Variants in CNTN5 observed in about 807,000 individuals in gnomAD.
CNTN5 encodes the protein contactin-5.
A neutral mutation model predicts 129.1 loss-of-function variants in CNTN5; 77 were observed. The ratio of observed to expected loss-of-function variants is 0.60; its 90% confidence interval spans 0.50 to 0.72. The LOEUF is 0.72. CNTN5 is among the 30% of genes least tolerant of loss of function. The pLI is 0.00. For synonymous variants in CNTN5, 509 were observed against 465.6 expected, an observed-to-expected ratio of 1.09 and a Z score of -1.20; for missense variants, 1,478 against 1,328.8, an observed-to-expected ratio of 1.11 and a Z score of -1.75.
chr11:100,286,592 A>T (rs1210503699), intron 18 of CNTN5, among the ~76,000 whole-genome samples: 4 of 143,274 alleles, frequency 2.8e-5, no homozygotes, highest in African/African-American at 1.1e-4. Context: ...CATCCACACC[A>T]AAAACCCATC....
chr11:100,293,583 G>A (rs912703646), intron 18 of CNTN5, among the ~76,000 whole-genome samples: 5 of 151,344 alleles, frequency 3.3e-5, no homozygotes, highest in African/African-American at 1.2e-4. Context: ...TTATAATTCC[G>A]GGTACTGTGA....
At chr11:99,514,647 T>C (rs541328187) in intron 2 of CNTN5, among the ~76,000 whole-genome samples, 5 of 152,218 alleles carry the variant, frequency 3.3e-5, no homozygotes, top group African/African-American at 1.2e-4. Context: ...GGTTAGCATA[T>C]TGTTTTGGCA....
At chr11:99,900,411 A>G (rs1052817519) in intron 6 of CNTN5, among the ~76,000 whole-genome samples, 16 of 151,924 alleles carry the variant, frequency 1.1e-4, no homozygotes, top group Non-Finnish European at 2.4e-4. Flanking sequence ...TTTTTGATGT[A>G]TTTCTGGATT....
At chr11:99,888,849 C>T (rs908851104) in intron 6 of CNTN5, among the ~76,000 whole-genome samples, 20 of 152,318 alleles carry the variant, frequency 1.3e-4, no homozygotes, top group African/African-American at 4.8e-4. Context: ...TGACACATTA[C>T]TGCGTGACGC....
chr11:100,141,460 CCT>C (rs1329089099), intron 13 of CNTN5, among the ~76,000 whole-genome samples: 1 of 152,080 alleles, frequency 6.6e-6, no homozygotes, highest in Admixed American at 6.6e-5. Flanking sequence ...GTTCTTTTGA[CCT>C]CTCTTAATAG....
intron 8 of CNTN5, among the ~76,000 whole-genome samples, chr11:99,991,060 C>G (rs1939056610): frequency 6.6e-6 from 1 of 152,200 alleles, no homozygotes; most frequent in Non-Finnish European, 1.5e-5. Context: ...AGCACAATAT[C>G]TTTTGCCCTG....
At chr11:99,855,707 A>T (rs970545349) in intron 6 of CNTN5, among the ~76,000 whole-genome samples, 1 of 152,170 alleles carries the variant, frequency 6.6e-6, no homozygotes, top group Non-Finnish European at 1.5e-5. Context: ...TTCCAGGGAA[A>T]TATTCTGCCA....
At position 99,087,066 on chromosome 11, in the gene CNTN5, T is replaced by C. The variant is rs543760056; in HGVS notation, c.-210+65796T>C. Among the ~76,000 whole-genome samples the C allele has an allele frequency of 5.3e-5, 8 of 152,324 alleles. 1 individual carries two copies. The highest frequency in any genetic ancestry group is 4.6e-4 in the Admixed American group (7 of 15,296). ...GTCCACTGAATCTGGCTGTGGGTTT[T>C]TTGTTCTTTCCTTACTGTACTAGGG... On this transcript the variant is annotated intron_variant, in intron 1 of 24. Transcript: ENST00000524871.
chr11:99,853,212 A>G (rs959446738), intron 6 of CNTN5, among the ~76,000 whole-genome samples: 1 of 152,122 alleles, frequency 6.6e-6, no homozygotes, highest in African/African-American at 2.4e-5. Context: ...CAAAGAAACA[A>G]CAATTATTAT....
At position 99,646,958 on chromosome 11, in the gene CNTN5, T is replaced by C. The variant is rs191734172; in HGVS notation, c.55+90689T>C. Among the ~76,000 whole-genome samples, 5 of 152,250 alleles carry C rather than the reference T, an allele frequency of 3.3e-5. No homozygotes were observed. In the East Asian group the frequency reaches 9.7e-4, roughly 29 times the overall value. On this transcript the variant is annotated intron_variant, in intron 3 of 24. Transcript: ENST00000524871. Reference sequence around the variant, plus strand: ...TTAATTCCCTGTCAGATGAATAGTTTGCCCATATTTTTTCCCATTCTGTAG... The same window carrying C: ...TTAATTCCCTGTCAGATGAATAGTTCGCCCATATTTTTTCCCATTCTGTAG...
chr11:100,067,283 A>T (rs1943734164), intron 10 of CNTN5, among the ~76,000 whole-genome samples: 1 of 152,046 alleles, frequency 6.6e-6, no homozygotes, highest in African/African-American at 2.4e-5. Flanking sequence ...TCTACAACCC[A>T]AATTCCACTT....
intron 6 of CNTN5, among the ~76,000 whole-genome samples, chr11:99,887,249 A>G (rs998417426): frequency 2.0e-5 from 3 of 152,196 alleles, no homozygotes; most frequent in Admixed American, 6.5e-5. Context: ...GTTTTGACCA[A>G]TGATGTGGTC....
Position 100,350,777 on chromosome 11 carries a change from C to A in CNTN5, c.3106C>A (p.Pro1036Thr). Residue 1036 changes from proline (P) to threonine (T), a missense_variant, in exon 24 of 25, where the codon CCA (proline) becomes ACA (threonine). Coordinates refer to ENST00000524871, the MANE Select transcript of CNTN5 (RefSeq NM_014361.4). ...TQKLQAVVPL[P>T]DAGVYIIEVR... ...GAAACTTCAAGCAGTAGTACCACTC[C>A]CAGATGCTGGAGTCTATATTATTGA... 6.2e-7 allele frequency: 1 copy of A among 1,608,916 alleles called. No homozygotes were observed. Among genetic ancestry groups the A allele is most frequent in the East Asian group, 2.2e-5 (1 of 44,772 alleles).
At chr11:99,036,036 G>A (rs1009247123) in intron 1 of CNTN5, among the ~76,000 whole-genome samples, 26 of 152,070 alleles carry the variant, frequency 1.7e-4, no homozygotes, top group Non-Finnish European at 2.6e-4. Context: ...ATGAAGCTTA[G>A]TTTGGCTGGA....
intron 1 of CNTN5, among the ~76,000 whole-genome samples, chr11:99,252,705 G>T (rs1000888084): frequency 2.0e-5 from 3 of 151,912 alleles, no homozygotes; most frequent in Non-Finnish European, 1.5e-5. Flanking sequence ...CAATTAAATT[G>T]TCCTTTCTCA....
At chr11:99,975,611 GTA>G (rs1937898993) in intron 8 of CNTN5, among the ~76,000 whole-genome samples, 1 of 152,122 alleles carries the variant, frequency 6.6e-6, no homozygotes. Flanking sequence ...TGAAGGAAAA[GTA>G]AGGCATATCT....
chr11:99,292,550 A>G (rs1864214919), intron 1 of CNTN5, among the ~76,000 whole-genome samples: 1 of 152,062 alleles, frequency 6.6e-6, no homozygotes, highest in South Asian at 2.1e-4. Context: ...CTTGTTCCAA[A>G]TCTTAGAGGA....
At chr11:99,821,759 G>A (rs1291556444) in intron 4 of CNTN5, among the ~76,000 whole-genome samples, 1 of 152,082 alleles carries the variant, frequency 6.6e-6, no homozygotes, top group Non-Finnish European at 1.5e-5. Flanking sequence ...TTGAGGTAGG[G>A]CAAGAGAATA....
At chr11:99,313,243 C>T (rs77907010) in intron 1 of CNTN5, among the ~76,000 whole-genome samples, 172 of 151,834 alleles carry the variant, frequency 1.1e-3, no homozygotes, top group African/African-American at 4.0e-3. Context: ...CACAGATGTA[C>T]GTCATGATTC....
Sources: gnomAD v4.1 joint callset for allele counts (sites outside exome capture counted in the v4.1 genomes callset) on GRCh38, gnomAD v4.1.1 for gene constraint, MANE v1.5 for transcripts, NCBI Gene and HGNC (gene_info 2026-07-23, HGNC 2026-07-21) for gene names.